Variants in EED observed in about 807,000 individuals in gnomAD.
EED encodes the protein polycomb protein EED.
Under a neutral mutation model 61.0 loss-of-function variants are expected in EED, and 9 were observed. The ratio of observed to expected loss-of-function variants is 0.15; its 90% confidence interval spans 0.09 to 0.26. The LOEUF (loss-of-function observed/expected upper bound fraction) is 0.26. Among genes scored for constraint, EED ranks in the 10% least tolerant of loss-of-function variants. The pLI is 1.00. For missense variants in EED, 315 were observed against 542.3 expected, an observed-to-expected ratio of 0.58 and a Z score of 4.16; for synonymous variants, 187 against 174.4, an observed-to-expected ratio of 1.07 and a Z score of -0.57.
chr11:86,252,247 G>T lies in EED; in HGVS notation c.360+7G>T, dbSNP rs755269412. On this transcript the variant is annotated splice_region_variant and intron_variant, in intron 3 of 11. Transcript: ENST00000263360. ...AACTGTAGGAAGCAACAGAGTGAGT[G>T]TTAAGGGGTCTATTTAGTATTTGGC... 5.0e-6 allele frequency: 8 copies of T among 1,585,734 alleles called. No homozygotes were observed. In the South Asian group the frequency reaches 7.9e-5, roughly 16 times the overall value.
At chr11:86,260,268 A>C (rs867103275) in intron 6 of EED, among the ~76,000 whole-genome samples, 1 of 152,218 alleles carries the variant, frequency 6.6e-6, no homozygotes, top group East Asian at 1.9e-4. Flanking sequence ...CACTCTGTCA[A>C]CCAGGCTATA....
intron 9 of EED, among the ~76,000 whole-genome samples, chr11:86,270,753 C>G (rs1240348120): frequency 3.3e-5 from 5 of 152,134 alleles, no homozygotes; most frequent in Admixed American, 6.6e-5. Context: ...CTCAGTTGTT[C>G]CATCAGCATT....
chr11:86,254,990 G>C (rs908810165), intron 3 of EED, among the ~76,000 whole-genome samples: 2 of 152,194 alleles, frequency 1.3e-5, no homozygotes, highest in African/African-American at 4.8e-5. Context: ...TGAAATATAA[G>C]TTTAAAAGAT....
At position 86,245,190 on chromosome 11, in the gene EED, C is replaced by G. The variant is rs777770012; in HGVS notation, c.-40C>G. The stretch of plus-strand genomic sequence containing the variant: ...GCTTGACGGCGGTGTGGCGGAGGCC[C>G]CGCCCCAGGCGGCAGGAACCTGGAG... On this transcript the variant is annotated 5_prime_UTR_variant, in exon 1 of 12. Coordinates refer to ENST00000263360, the MANE Select transcript of EED (RefSeq NM_003797.5). 1.9e-6 allele frequency: 3 copies of G among 1,572,602 alleles called. No homozygotes were observed. The East Asian group carries it at 7.0e-5, about 36-fold the overall frequency.
the EED span, among the ~76,000 whole-genome samples, chr11:86,286,362 T>G: frequency 6.6e-6 from 1 of 151,810 alleles, no homozygotes; most frequent in Non-Finnish European, 1.5e-5. Flanking sequence ...TAGGATGAAG[T>G]CTTGGGGTGT....
chr11:86,285,831 C>T, the EED span, among the ~76,000 whole-genome samples: 9,769 of 152,082 alleles, frequency 0.064, 714 homozygotes, highest in African/African-American at 0.17. Context: ...CTCCTGACCT[C>T]AAGTGATCCA....
chr11:86,270,547 T>G (rs191246996), intron 9 of EED, among the ~76,000 whole-genome samples: 52 of 152,274 alleles, frequency 3.4e-4, no homozygotes, highest in African/African-American at 1.1e-3. Flanking sequence ...TTTTTTAAAA[T>G]TATTTTATGG....
intron 3 of EED, among the ~76,000 whole-genome samples, chr11:86,254,220 A>C: frequency 6.6e-6 from 1 of 151,962 alleles, no homozygotes; most frequent in East Asian, 1.9e-4. Context: ...CCATGAGAAA[A>C]TAATTCATTA....
chr11:86,278,606 G>A lies in EED; in HGVS notation c.*81G>A, dbSNP rs906334042. The A allele has an allele frequency of 1.2e-5, 19 of 1,539,712 alleles. No individual in the cohort carries two copies. Among genetic ancestry groups the A allele is most frequent in the Admixed American group, 1.8e-5 (1 of 55,296 alleles). ...TAATGTATCTTGCTAGTAAGGGCAC[G>A]TAGAGCATTTAGAGTTGTCTTTCAG... is the stretch of plus-strand genomic sequence containing the variant. On this transcript the variant is annotated 3_prime_UTR_variant, in exon 12 of 12. Transcript: ENST00000263360.
At chr11:86,256,261 G>C in intron 4 of EED, 126 bp from the exon 5 acceptor site, 1 of 859,970 alleles carries the variant, frequency 1.2e-6, no homozygotes, top group Middle Eastern at 4.0e-4. Context: ...TATATATTTG[G>C]TTGTATAAGG....
At chr11:86,279,951 C>T (rs1342119618), downstream of EED, among the ~76,000 whole-genome samples, 2 of 152,158 alleles carry the variant, frequency 1.3e-5, no homozygotes, top group South Asian at 2.1e-4. Context: ...ATCCTTTTAG[C>T]AAAATGAGAT....
In EED at chr11:86,264,127, C is replaced by T. The variant is rs74893075; in HGVS notation, c.635-45C>T. The T allele has an allele frequency of 1.1e-5, 16 of 1,458,986 alleles. No homozygotes were observed. In the South Asian group the frequency reaches 1.5e-4, roughly 14 times the overall value. 90.4% of individuals were successfully genotyped at this position (1,458,986 alleles called of 1,614,324 possible). On this transcript the variant is annotated intron_variant, in intron 6 of 11. Transcript: ENST00000263360. ...TCTTTCACAAGATGTTGAAAGTTCA[C>T]AGTAAATAAAAAACATTCGCCTAAT...
chr11:86,275,247 GAAAAAACACATC>G (rs1241571986), intron 9 of EED, among the ~76,000 whole-genome samples: 1 of 152,042 alleles, frequency 6.6e-6, no homozygotes, highest in Non-Finnish European at 1.5e-5. Flanking sequence ...GGACTTACAG[GAAAAAACACATC>G]TGCTACATTG....
At chr11:86,285,951 A>T in the EED span, among the ~76,000 whole-genome samples, 5 of 152,280 alleles carry the variant, frequency 3.3e-5, no homozygotes, top group East Asian at 9.7e-4. Flanking sequence ...ATGTGAAATT[A>T]GAAATTACAG....
chr11:86,284,536 C>G, the EED span: 1 of 152,222 alleles, frequency 6.6e-6, no homozygotes, highest in African/African-American at 2.4e-5. Flanking sequence ...TAAGCACCCC[C>G]ACACTCAATG....
chr11:86,268,266 A>G (rs528772017), intron 8 of EED, 190 bp from the exon 9 acceptor site: 2 of 457,914 alleles, frequency 4.4e-6, no homozygotes, highest in Non-Finnish European at 7.7e-6. Flanking sequence ...ATAATGGAGA[A>G]AAATAAACAA....
At chr11:86,287,093 C>CT in the EED span, among the ~76,000 whole-genome samples, 1,574 of 142,830 alleles carry the variant, frequency 0.011, 14 homozygotes, top group Admixed American at 0.027. Flanking sequence ...TTTTCTATTT[C>CT]TTTTTTTTTT....
chr11:86,250,523 C>T (rs1945503479), intron 2 of EED, 75 bp downstream of exon 2: 3 of 1,375,506 alleles, frequency 2.2e-6, no homozygotes, highest in Non-Finnish European at 1.9e-6. Flanking sequence ...GCATTTCGTA[C>T]TCAGGATACT....
At chr11:86,258,293 A>G (rs539905069) in intron 6 of EED, among the ~76,000 whole-genome samples, 3 of 152,274 alleles carry the variant, frequency 2.0e-5, no homozygotes, top group African/African-American at 4.8e-5. Context: ...TTTATTTTTT[A>G]AAAAAGCTTT....
Sources: allele counts gnomAD v4.1 joint callset (sites outside exome capture counted in the v4.1 genomes callset), GRCh38; gene constraint gnomAD v4.1.1; transcripts MANE v1.5; gene names NCBI Gene and HGNC (gene_info 2026-07-23, HGNC 2026-07-21).